The following CYP2C8 variants were observed in gnomAD, a reference collection of about 807,000 sequenced individuals.
CYP2C8 encodes the protein cytochrome P450 family 2 subfamily C member 8.
CYP2C8 carries 51 observed loss-of-function variants against 41.3 expected under a neutral mutation model. That is an observed-to-expected ratio of 1.24 (90% CI 0.99 to 1.56). CYP2C8 has a LOEUF of 1.56. CYP2C8 is among the 40% of genes most tolerant of loss of function. The probability of loss-of-function intolerance (pLI) is 0.00; values close to 1 mark genes in which losing one functional copy is unlikely to be tolerated. For missense variants in CYP2C8, 651 were observed against 579.9 expected (o/e 1.12, Z -1.26); for synonymous variants, 218 against 205.8 (o/e 1.06, Z -0.51).
intron 1 of CYP2C8, 58 bp from the exon 2 acceptor site, chr10:95,067,749 G>A: frequency 6.7e-7 from 1 of 1,492,026 alleles, no homozygotes; most frequent in Non-Finnish European, 9.3e-7. Context: ...CAAATACTAT[G>A]TATGATTCAG....
chr10:95,042,024 A>G (rs2033012611), intron 7 of CYP2C8, among the ~76,000 whole-genome samples: 2 of 152,140 alleles, frequency 1.3e-5, no homozygotes, highest in African/African-American at 2.4e-5. Context: ...TTTATAAATG[A>G]AGTTAAATAA....
At chr10:95,065,031 A>C in intron 3 of CYP2C8, 71 bp from the exon 4 acceptor site, 1 of 1,267,186 alleles carries the variant, frequency 7.9e-7, no homozygotes, top group Non-Finnish European at 1.0e-6. Context: ...TTGTTAAGAC[A>C]TAAAGGAAAT....
intron 5 of CYP2C8, among the ~76,000 whole-genome samples, chr10:95,057,490 C>T (rs938941239): frequency 1.3e-5 from 2 of 151,854 alleles, no homozygotes; most frequent in African/African-American, 2.4e-5. Flanking sequence ...TGAATGAACA[C>T]AAAAAAGCCC....
chr10:95,056,016 C>T (rs2033309010), intron 5 of CYP2C8, among the ~76,000 whole-genome samples: 1 of 151,894 alleles, frequency 6.6e-6, no homozygotes, highest in Admixed American at 6.6e-5. Context: ...TCACTTGAGA[C>T]CAAGAGTCAG....
At chr10:95,045,724 C>T in intron 6 of CYP2C8, 86 bp downstream of exon 6, 4 of 1,528,250 alleles carry the variant, frequency 2.6e-6, no homozygotes, top group Non-Finnish European at 2.7e-6. Flanking sequence ...AATGAGCCTT[C>T]TCTGAGAGAA....
chr10:95,049,013 C>T (rs1000424487), intron 5 of CYP2C8, among the ~76,000 whole-genome samples: 1 of 152,028 alleles, frequency 6.6e-6, no homozygotes, highest in Non-Finnish European at 1.5e-5. Flanking sequence ...AAAGAAATGA[C>T]AAGCAGAGTA....
Position 95,045,905 on chromosome 10 carries a change from C to A in CYP2C8, c.866G>T (p.Gly289Val). 3 of 1,613,998 alleles carry A rather than the reference C, an allele frequency of 1.9e-6. No individual in the cohort carries two copies. Among genetic ancestry groups the A allele is most frequent in the Non-Finnish European group, 1.7e-6 (2 of 1,179,906 alleles). The part of the protein sequence containing the change: ...KSEFNIENLV[G>V]TVADLFVAGT... ...AGCAACAAATAGATCAGCTACAGTG[C>A]CAACCAAGTTTTCAATATTGAATTC... The change falls in exon 6 of 9, where the codon GGC becomes GTC. Residue 289 changes from glycine to valine, a missense_variant. Gly to Val is a moderately radical substitution (Grantham distance 109). Transcript: ENST00000371270.
intron 1 of CYP2C8, chr10:95,068,548 A>G (rs2033616266): frequency 8.1e-7 from 1 of 1,237,584 alleles, no homozygotes; most frequent in South Asian, 1.2e-5. Flanking sequence ...ACACATGACT[A>G]CTATAGTAGA....
At chr10:95,043,204 A>G (rs1440222332) in intron 6 of CYP2C8, 127 bp from the exon 7 acceptor site, 4 of 794,116 alleles carry the variant, frequency 5.0e-6, no homozygotes, top group Non-Finnish European at 8.4e-6. Context: ...ACATGTCCAG[A>G]AGTACAACCA....
intron 7 of CYP2C8, among the ~76,000 whole-genome samples, chr10:95,042,108 C>T (rs1275009550): frequency 2.0e-5 from 3 of 152,002 alleles, no homozygotes; most frequent in Non-Finnish European, 2.9e-5. Context: ...ATACTCTACC[C>T]CCCAGCAGAT....
intron 5 of CYP2C8, among the ~76,000 whole-genome samples, chr10:95,054,649 T>C (rs150970735): frequency 1.3e-5 from 2 of 152,042 alleles, no homozygotes; most frequent in Admixed American, 1.3e-4. Context: ...CAATTATATA[T>C]AAAGAAAAGT....
At chr10:95,058,301 A>C (rs1378007616) in intron 5 of CYP2C8, 34 bp downstream of exon 5, 2 of 1,611,070 alleles carry the variant, frequency 1.2e-6, no homozygotes, top group African/African-American at 1.3e-5. Context: ...AATGGACAAG[A>C]AATCAAAATA....
At chr10:95,054,420 G>T (rs1250594912) in intron 5 of CYP2C8, among the ~76,000 whole-genome samples, 2 of 151,978 alleles carry the variant, frequency 1.3e-5, no homozygotes, top group East Asian at 3.9e-4. Context: ...ATGAGAAAAT[G>T]TATTTATAAA....
At chr10:95,053,059 A>G (rs995100110) in intron 5 of CYP2C8, among the ~76,000 whole-genome samples, 1 of 152,320 alleles carries the variant, frequency 6.6e-6, no homozygotes, top group Admixed American at 6.5e-5. Flanking sequence ...TCCACTAAAA[A>G]ACTATGAGAA....
At chr10:95,042,279 G>A (rs1021223161) in intron 7 of CYP2C8, among the ~76,000 whole-genome samples, 33 of 152,100 alleles carry the variant, frequency 2.2e-4, no homozygotes, top group Middle Eastern at 6.8e-3. Flanking sequence ...AATATACATA[G>A]AAATTCCAAG....
intron 4 of CYP2C8, among the ~76,000 whole-genome samples, chr10:95,060,653 T>A (rs534927754): frequency 1.3e-5 from 2 of 152,344 alleles, no homozygotes; most frequent in East Asian, 3.9e-4. Flanking sequence ...CCTGCCTGAT[T>A]GCCTTGGCCA....
At chr10:95,060,075 C>T (rs1230682462) in intron 4 of CYP2C8, among the ~76,000 whole-genome samples, 1 of 152,108 alleles carries the variant, frequency 6.6e-6, no homozygotes, top group Non-Finnish European at 1.5e-5. Flanking sequence ...AGTCAGGTAG[C>T]CTGATGCCTC....
chr10:95,061,907 C>T (rs577538296), intron 4 of CYP2C8, among the ~76,000 whole-genome samples: 1 of 152,166 alleles, frequency 6.6e-6, no homozygotes, highest in South Asian at 2.1e-4. Flanking sequence ...ACCCAGTAGT[C>T]ATTCAGGAGC....
At chr10:95,062,372 T>G (rs1336080977) in intron 4 of CYP2C8, among the ~76,000 whole-genome samples, 1 of 152,234 alleles carries the variant, frequency 6.6e-6, no homozygotes, top group East Asian at 1.9e-4. Context: ...TCTTATTGAA[T>G]TGATCCCTTT....
Sources: gnomAD v4.1 joint callset for allele counts (sites outside exome capture counted in the v4.1 genomes callset) on GRCh38, gnomAD v4.1.1 for gene constraint, MANE v1.5 for transcripts, NCBI Gene and HGNC (gene_info 2026-07-23, HGNC 2026-07-21) for gene names.